The following SRRM3 variants were observed in gnomAD, a reference collection of about 807,000 sequenced individuals.
SRRM3 encodes serine/arginine repetitive matrix protein 3.
A neutral mutation model predicts 66.2 loss-of-function variants in SRRM3; 27 were observed. That is an observed-to-expected ratio of 0.41 (90% CI 0.30 to 0.56). SRRM3 has a LOEUF of 0.56. SRRM3 is among the 20% of genes least tolerant of loss of function. SRRM3 has a pLI of 0.32. For synonymous variants in SRRM3, 391 were observed against 414.9 expected (o/e 0.94, Z 0.70); for missense variants, 918 against 991.9 (o/e 0.93, Z 1.00).
In SRRM3 at chr7:76,221,384, A is replaced by T. The variant is rs868965860; in HGVS notation, c.-39-13644A>T. Reference sequence around the variant, plus strand: ...CTTTTTTTTTTTTTTTTTTTTTGAGACGGAGTCTCGCTCTGTCGCCCAGGC... The same window carrying T: ...CTTTTTTTTTTTTTTTTTTTTTGAGTCGGAGTCTCGCTCTGTCGCCCAGGC... On this transcript the variant is annotated intron_variant, in intron 1 of 14. Coordinates refer to ENST00000611745, the MANE Select transcript of SRRM3 (RefSeq NM_001110199.3). Among the ~76,000 whole-genome samples the T allele has an allele frequency of 4.0e-3, 296 of 73,990 alleles. 4 individuals are homozygous for T. Among genetic ancestry groups the T allele is most frequent in the African/African-American group, 0.035 (281 of 8,090 alleles). The allele number at this position is 73,990 out of a possible 152,430, so 48.5% of individuals were successfully genotyped here.
At chr7:76,266,237 A>ATATAAATATTTATATATTTAATATATG (rs1802032142) in intron 10 of SRRM3, among the ~76,000 whole-genome samples, 1 of 120,428 alleles carries the variant, frequency 8.3e-6, no homozygotes, top group African/African-American at 3.5e-5. Flanking sequence ...TATTTAATAT[A>ATATAAATATTTATATATTTAATATATG]TATAAATATT....
intron 11 of SRRM3, among the ~76,000 whole-genome samples, chr7:76,279,041 T>C (rs1454827194): frequency 1.3e-5 from 2 of 151,984 alleles, no homozygotes; most frequent in African/African-American, 4.8e-5. Context: ...TCACTTGAGG[T>C]CAGGAGTTCG....
chr7:76,246,650 G>A (rs932785457), intron 2 of SRRM3, among the ~76,000 whole-genome samples: 1 of 152,216 alleles, frequency 6.6e-6, no homozygotes, highest in Non-Finnish European at 1.5e-5. Context: ...AACCAACTCG[G>A]AGGCCTAGGG....
chr7:76,228,156 C>T (rs944707708), intron 1 of SRRM3, among the ~76,000 whole-genome samples: 3 of 152,134 alleles, frequency 2.0e-5, no homozygotes, highest in African/African-American at 7.2e-5. Context: ...AGGTGCAAGC[C>T]ACCACACCTG....
At chr7:76,227,586 GACGA>G (rs1208267552) in intron 1 of SRRM3, among the ~76,000 whole-genome samples, 1 of 152,192 alleles carries the variant, frequency 6.6e-6, no homozygotes, top group East Asian at 1.9e-4. Flanking sequence ...AGCCTGCCTT[GACGA>G]ACCAAGCAGG....
chr7:76,282,759 G>C lies in SRRM3; in HGVS notation c.1482G>C (p.Pro494=), dbSNP rs1158441684. 2.0e-6 allele frequency: 3 copies of C among 1,463,750 alleles called. No individual in the cohort carries two copies. Among genetic ancestry groups the C allele is most frequent in the Non-Finnish European group, 2.7e-6 (3 of 1,113,736 alleles). The allele number at this position is 1,463,750 out of a possible 1,614,324, so 90.7% of individuals were successfully genotyped here. A position where few individuals can be genotyped will look rare whatever the true frequency, so the allele number is the denominator to read the frequency against. The change falls in exon 13 of 15, where the codon CCG becomes CCC. Residue 494 remains proline, a synonymous_variant. Transcript: ENST00000611745. ...AGAGCTCGTCGCGCAGCCCCGGCCCGCACCCCCGCTCCTGGAGCTCCAGCC... is the reference window on the plus strand; with the variant it reads ...AGAGCTCGTCGCGCAGCCCCGGCCCCCACCCCCGCTCCTGGAGCTCCAGCC... ...EGKSSSRSPG[P]HPRSWSSSRS... is the part of the protein sequence containing the mutation.
At chr7:76,210,874 C>T (rs2116936294) in intron 1 of SRRM3, among the ~76,000 whole-genome samples, 1 of 152,206 alleles carries the variant, frequency 6.6e-6, no homozygotes, top group African/African-American at 2.4e-5. Flanking sequence ...GCAATCTCCG[C>T]TCACTGCAAC....
chr7:76,281,432 C>T lies in SRRM3; in HGVS notation c.1009-9C>T. ...CCCTCCGTGCCCTGTCTGCCTCTCT[C>T]CCCGTCAGAAGCCCAGCTCGCCCTC... On this transcript the variant is annotated splice_polypyrimidine_tract_variant and intron_variant, in intron 11 of 14. Coordinates refer to ENST00000611745, the MANE Select transcript of SRRM3 (RefSeq NM_001110199.3). 8.1e-7 allele frequency: 1 copy of T among 1,235,292 alleles called. No homozygotes were observed. Among genetic ancestry groups the T allele is most frequent in the Admixed American group, 4.3e-5 (1 of 23,448 alleles). The allele number at this position is 1,235,292 out of a possible 1,614,324, so 76.5% of individuals were successfully genotyped here.
chr7:76,240,619 C>CA lies in SRRM3; in HGVS notation c.233+5338dup, dbSNP rs200938394. Among the ~76,000 whole-genome samples, 214 of 91,466 alleles carry CA rather than the reference C, an allele frequency of 2.3e-3. 2 individuals carry two copies. The highest frequency in any genetic ancestry group is 7.2e-3 in the South Asian group (19 of 2,642). The allele number at this position is 91,466 out of a possible 152,430, so 60.0% of individuals were successfully genotyped here. A position where few individuals can be genotyped will look rare whatever the true frequency, so the allele number is the denominator to read the frequency against. ...TGGGCAACAGAGCGAGACTCCATCTCAAAAAAAAAAAAAAAAAACATTTTT... is the reference window on the plus strand; with the variant it reads ...TGGGCAACAGAGCGAGACTCCATCTCAAAAAAAAAAAAAAAAAAACATTTTT... On this transcript the variant is annotated intron_variant, in intron 2 of 14. Transcript: ENST00000611745.
chr7:76,265,756 AATT>A (rs1456526674), intron 10 of SRRM3, among the ~76,000 whole-genome samples: 1 of 137,254 alleles, frequency 7.3e-6, no homozygotes, highest in Non-Finnish European at 1.5e-5. Context: ...TATTATATAT[AATT>A]ATATATATTT....
At chr7:76,264,454 C>CCAT (rs1209732956) in intron 8 of SRRM3, among the ~76,000 whole-genome samples, 1 of 152,180 alleles carries the variant, frequency 6.6e-6, no homozygotes, top group Non-Finnish European at 1.5e-5. Context: ...GTGTGAGCCA[C>CCAT]CATGCCCGGC....
rs1802554357 is a variant in SRRM3, at chr7:76,282,641, C to T, written c.1371-7C>T. The T allele has an allele frequency of 7.1e-7, 1 of 1,413,890 alleles. No individual in the cohort carries two copies. Among genetic ancestry groups the T allele is most frequent in the Non-Finnish European group, 9.2e-7 (1 of 1,088,832 alleles). 87.6% of individuals were successfully genotyped at this position (1,413,890 alleles called of 1,614,324 possible). A position where few individuals can be genotyped will look rare whatever the true frequency, so the allele number is the denominator to read the frequency against. ...GAGCCCTATCCCGCGCCGTCTCCCT[C>T]CTCCAGGGCCAAGGAGCGGCCCCCG... is the stretch of plus-strand genomic sequence containing the variant. On this transcript the variant is annotated splice_polypyrimidine_tract_variant and splice_region_variant and intron_variant, in intron 12 of 14. Coordinates refer to ENST00000611745, the MANE Select transcript of SRRM3 (RefSeq NM_001110199.3).
In SRRM3 at chr7:76,224,778, CG is replaced by C. The variant is rs1303717384; in HGVS notation, c.-39-10249del. 1.1e-4 allele frequency among the ~76,000 whole-genome samples: 16 copies of C among 152,194 alleles called. 1 individual carries two copies. The highest frequency in any genetic ancestry group is 3.9e-4 in the Admixed American group (6 of 15,282). On this transcript the variant is annotated intron_variant, in intron 1 of 14. Coordinates refer to ENST00000611745, the MANE Select transcript of SRRM3 (RefSeq NM_001110199.3). ...GAGAGGTTTGTCACTGTGGCCGCCC[CG>C]ATCAGCTAGGGAGACTCACATTTAT...
rs1800927777 is a variant in SRRM3, at chr7:76,228,211, A to AAAAAC, written c.-39-6809_-39-6805dup. Among the ~76,000 whole-genome samples the AAAAAC allele has an allele frequency of 2.0e-5, 3 of 152,200 alleles. No homozygotes were observed. The South Asian group carries it at 6.2e-4, about 31-fold the overall frequency. On this transcript the variant is annotated intron_variant, in intron 1 of 14. Transcript: ENST00000611745. ...TAAAGAGTTTTGATTATTATAAAAT[A>AAAAAC]AAAACAAAACAAGACAAGACTCTTT...
intron 1 of SRRM3, among the ~76,000 whole-genome samples, chr7:76,211,819 T>G (rs781870710): frequency 1.1e-5 from 1 of 91,518 alleles, no homozygotes; most frequent in Non-Finnish European, 1.9e-5. Context: ...ATTACTACTA[T>G]TATTATTATT....
chr7:76,238,686 A>T (rs1341577498), intron 2 of SRRM3, among the ~76,000 whole-genome samples: 2 of 151,896 alleles, frequency 1.3e-5, no homozygotes, highest in Non-Finnish European at 2.9e-5. Context: ...TTTGAGATGG[A>T]TTCTCGCTGT....
intron 14 of SRRM3, chr7:76,283,464 T>TCCCC: frequency 3.9e-6 from 1 of 254,198 alleles, no homozygotes. Context: ...CCGGAGCCCC[T>TCCCC]CCCGCCCTCC....
chr7:76,235,505 G>A (rs1452130686), intron 2 of SRRM3, among the ~76,000 whole-genome samples: 1 of 152,172 alleles, frequency 6.6e-6, no homozygotes, highest in Non-Finnish European at 1.5e-5. Context: ...TTGGGGTGAA[G>A]CCATGGCAAG....
intron 1 of SRRM3, among the ~76,000 whole-genome samples, chr7:76,203,000 G>A (rs115768105): frequency 6.6e-6 from 1 of 152,110 alleles, no homozygotes; most frequent in Non-Finnish European, 1.5e-5. Flanking sequence ...CCCTAGCATC[G>A]GGGGCTTGAG....
Sources: allele counts gnomAD v4.1 joint callset (sites outside exome capture counted in the v4.1 genomes callset), GRCh38; gene constraint gnomAD v4.1.1; transcripts MANE v1.5; gene names NCBI Gene and HGNC (gene_info 2026-07-23, HGNC 2026-07-21).